FOXK2: variants seen among roughly 807,000 people sequenced by gnomAD.
The protein encoded by FOXK2 is forkhead box K2.
In FOXK2, 24 loss-of-function variants were observed where a neutral mutation model predicts 53.3. That is an observed-to-expected ratio of 0.45 (90% CI 0.33 to 0.63). The LOEUF is 0.63. FOXK2 is among the 30% of genes least tolerant of loss of function. The pLI, the probability that FOXK2 is intolerant of heterozygous loss-of-function variation, is 0.03. For synonymous variants in FOXK2, 505 were observed against 407.1 expected (o/e 1.24, Z -2.89); for missense variants, 952 against 910.5 (o/e 1.05, Z -0.59).
rs139453234 is a variant in FOXK2, at chr17:82,592,807, G to A, written c.1786+5535G>A. Among the ~76,000 whole-genome samples, 1,321 of 152,332 alleles carry A rather than the reference G, an allele frequency of 8.7e-3. 10 individuals carry two copies. The highest frequency in any genetic ancestry group is 0.03 in the South Asian group (145 of 4,828). On this transcript the variant is annotated intron_variant, in intron 8 of 8. Transcript: ENST00000335255. ...GCAGTGAGAGTGAAATGCCCAGTTC[G>A]CGCTGGCAGAGGGAGACCCTGTGAA...
At chr17:82,544,655 GC>G (rs1440786082) in intron 1 of FOXK2, among the ~76,000 whole-genome samples, 1 of 152,210 alleles carries the variant, frequency 6.6e-6, no homozygotes, top group Non-Finnish European at 1.5e-5. Context: ...AGAATTGGCT[GC>G]CAGATGATTT....
intron 7 of FOXK2, among the ~76,000 whole-genome samples, 180 bp from the exon 8 acceptor site, chr17:82,586,883 G>A (rs573258128): frequency 4.6e-4 from 70 of 152,090 alleles, no homozygotes; most frequent in Middle Eastern, 6.8e-3. Flanking sequence ...CTTGGGTAAC[G>A]AGCGAAACTC....
chr17:82,561,782 G>A (rs1010625941), intron 1 of FOXK2, among the ~76,000 whole-genome samples: 6 of 152,096 alleles, frequency 3.9e-5, no homozygotes, highest in Non-Finnish European at 7.4e-5. Context: ...CGTAGCTTCC[G>A]ACCTCCACAG....
At chr17:82,598,669 TAGTG>T (rs754346080) in intron 8 of FOXK2, among the ~76,000 whole-genome samples, 10 of 152,360 alleles carry the variant, frequency 6.6e-5, no homozygotes, top group East Asian at 1.9e-4. Flanking sequence ...ATTAAGCTGT[TAGTG>T]AGGGCAAAGC....
intron 1 of FOXK2, among the ~76,000 whole-genome samples, chr17:82,521,935 C>CAA (rs55776373): frequency 0.057 from 6,816 of 119,656 alleles, 194 homozygotes; most frequent in Non-Finnish European, 0.068. Flanking sequence ...GACTCCGCCT[C>CAA]AAAAAAAAAA....
At chr17:82,529,484 G>C (rs1243763026) in intron 1 of FOXK2, among the ~76,000 whole-genome samples, 1 of 151,614 alleles carries the variant, frequency 6.6e-6, no homozygotes, top group Non-Finnish European at 1.5e-5. Flanking sequence ...CCGCCTCCCA[G>C]GTTCAAGTGA....
intron 4 of FOXK2, 174 bp downstream of exon 4, chr17:82,572,044 T>A (rs894037499): frequency 1.9e-6 from 1 of 540,400 alleles, no homozygotes; most frequent in African/African-American, 2.0e-5. Flanking sequence ...TGCCTCACCT[T>A]CTTTGTGTGG....
rs181348416 is a variant in FOXK2, at chr17:82,555,836, C to T, written c.420-7518C>T. On this transcript the variant is annotated intron_variant, in intron 1 of 8. Transcript: ENST00000335255. Reference sequence around the variant, plus strand: ...CTGGGAGGCGGAGCTTGCAGTGAGCCGAGATTGTGCCACTGCACTCCAGCC... The same window carrying T: ...CTGGGAGGCGGAGCTTGCAGTGAGCTGAGATTGTGCCACTGCACTCCAGCC... Among the ~76,000 whole-genome samples the T allele has an allele frequency of 1.4e-3, 194 of 135,630 alleles. 6 individuals carry two copies. The East Asian group carries it at 0.03, about 21-fold the overall frequency. The allele number at this position is 135,630 out of a possible 152,430, so 89.0% of individuals were successfully genotyped here.
At position 82,578,591 on chromosome 17, in the gene FOXK2, A is replaced by G. The variant is rs374229774; in HGVS notation, c.910-4150A>G. The G allele has an allele frequency of 4.6e-5, 7 of 152,216 alleles. No homozygotes were observed. The East Asian group carries it at 9.6e-4, about 21-fold the overall frequency. 9.4% of individuals were successfully genotyped at this position (152,216 alleles called of 1,614,324 possible). ...TAGTTACTTTATTCTATTTGTGTCT[A>G]CATTAAATGTCTCATTAATTCCTCA... On this transcript the variant is annotated intron_variant, in intron 4 of 8. Coordinates refer to ENST00000335255, the MANE Select transcript of FOXK2 (RefSeq NM_004514.4).
chr17:82,567,526 G>T (rs1416059069), intron 2 of FOXK2, among the ~76,000 whole-genome samples: 1 of 152,224 alleles, frequency 6.6e-6, no homozygotes, highest in Non-Finnish European at 1.5e-5. Flanking sequence ...CTGCTGTTGT[G>T]CCTTCAGCAG....
intron 1 of FOXK2, 123 bp from the exon 2 acceptor site, chr17:82,563,231 G>A: frequency 1.2e-6 from 1 of 864,994 alleles, no homozygotes; most frequent in Non-Finnish European, 1.7e-6. Flanking sequence ...AACACGGTGA[G>A]CTGAGCTTGG....
intron 1 of FOXK2, among the ~76,000 whole-genome samples, chr17:82,523,807 G>A (rs999145099): frequency 3.3e-5 from 5 of 151,948 alleles, no homozygotes; most frequent in Admixed American, 2.0e-4. Flanking sequence ...TTTAAGCTCA[G>A]TGTTCAGGTT....
At chr17:82,570,312 G>T (rs1230212131) in intron 3 of FOXK2, among the ~76,000 whole-genome samples, 1 of 152,148 alleles carries the variant, frequency 6.6e-6, no homozygotes, top group Admixed American at 6.5e-5. Context: ...GGACAAAAAA[G>T]CAAGATCCTG....
chr17:82,594,785 C>T (rs2045293277), intron 8 of FOXK2, among the ~76,000 whole-genome samples: 1 of 152,194 alleles, frequency 6.6e-6, no homozygotes, highest in Non-Finnish European at 1.5e-5. Context: ...GTGGCTCACG[C>T]CTGCAATCCC....
intron 4 of FOXK2, among the ~76,000 whole-genome samples, chr17:82,579,540 A>G (rs1369214642): frequency 7.1e-5 from 9 of 126,080 alleles, no homozygotes; most frequent in African/African-American, 1.2e-4. Context: ...CATGTCACCC[A>G]TGAAGTAGCT....
chr17:82,549,191 G>T (rs189307739), intron 1 of FOXK2, among the ~76,000 whole-genome samples: 4 of 152,360 alleles, frequency 2.6e-5, no homozygotes, highest in South Asian at 2.1e-4. Context: ...GTAGCTCCGA[G>T]TGTGAGGATC....
At chr17:82,585,860 A>C in intron 6 of FOXK2, 44 bp from the exon 7 acceptor site, 1 of 1,575,030 alleles carries the variant, frequency 6.3e-7, no homozygotes, top group Non-Finnish European at 8.7e-7. Flanking sequence ...TTGTTTGTAG[A>C]AGTCAGTATC....
chr17:82,553,035 A>C (rs1303217850), intron 1 of FOXK2, among the ~76,000 whole-genome samples: 1 of 152,174 alleles, frequency 6.6e-6, no homozygotes, highest in Non-Finnish European at 1.5e-5. Flanking sequence ...TCCTGAGTTC[A>C]AGCGATTCTC....
chr17:82,577,137 G>C, intron 4 of FOXK2: 1 of 665,878 alleles, frequency 1.5e-6, no homozygotes, highest in Non-Finnish European at 2.6e-6. Context: ...ACTCCAGCCT[G>C]GGCAACAAGA....
Sources: allele counts gnomAD v4.1 joint callset (sites outside exome capture counted in the v4.1 genomes callset), GRCh38; gene constraint gnomAD v4.1.1; transcripts MANE v1.5; gene names NCBI Gene and HGNC (gene_info 2026-07-23, HGNC 2026-07-21).